TBC1D9B: variants seen among roughly 807,000 people sequenced by gnomAD.
TBC1D9B encodes the protein TBC1 domain family, member 9B (with GRAM domain).
In TBC1D9B, 87 loss-of-function variants were observed where a neutral mutation model predicts 121.1. The observed-to-expected ratio is 0.72, with a 90% CI of 0.60 to 0.86. The LOEUF (loss-of-function observed/expected upper bound fraction) is 0.86. Ranked by LOEUF, TBC1D9B falls within the 40% of genes least tolerant of loss-of-function variation. TBC1D9B has a pLI of 0.00. For missense variants in TBC1D9B, 1,540 were observed against 1,628.6 expected, an observed-to-expected ratio of 0.95 and a Z score of 0.94; for synonymous variants, 668 against 670.1, an observed-to-expected ratio of 1.00 and a Z score of 0.05.
intron 3 of TBC1D9B, among the ~76,000 whole-genome samples, chr5:179,897,316 C>CT (rs71001055): frequency 0.12 from 16,961 of 141,374 alleles, 1,117 homozygotes; most frequent in Middle Eastern, 0.22. Context: ...ATTTTCTTTT[C>CT]TTTTTTTTTT....
At chr5:179,899,670 G>A (rs138565015) in intron 2 of TBC1D9B, among the ~76,000 whole-genome samples, 1 of 152,264 alleles carries the variant, frequency 6.6e-6, no homozygotes, top group Admixed American at 6.5e-5. Flanking sequence ...ACTTAATGTG[G>A]CTTTTGCTAT....
In TBC1D9B at chr5:179,865,417, C is replaced by T; in HGVS notation, c.2915-57G>A. On this transcript the variant is annotated intron_variant, in intron 19 of 20. Transcript: ENST00000355235. The surrounding 1 kb of genome is among the most constrained non-coding windows in gnomAD (Gnocchi z 5.1). ...GTCATGTGAGACGGCTGCGGGCTGA[C>T]AGCAGGGAGAGGAAGAGTTGGGTGT... 6.6e-7 allele frequency: 1 copy of T among 1,523,654 alleles called. No homozygotes were observed. The highest frequency in any genetic ancestry group is 1.1e-5 in the South Asian group (1 of 89,212). 94.4% of individuals were successfully genotyped at this position (1,523,654 alleles called of 1,614,324 possible). A position where few individuals can be genotyped will look rare whatever the true frequency, so the allele number is the denominator to read the frequency against.
At chr5:179,869,855 G>A (rs1275701752) in intron 16 of TBC1D9B, 21 bp from the exon 17 acceptor site, 7 of 1,532,526 alleles carry the variant, frequency 4.6e-6, no homozygotes, top group African/African-American at 1.4e-5. Flanking sequence ...GGCCAGGGAG[G>A]GCTGGGTCTG....
In TBC1D9B at chr5:179,862,083, C is replaced by A. The variant is rs908623957; in HGVS notation, c.*1365G>T. 7 of 164,732 alleles carry A rather than the reference C, an allele frequency of 4.2e-5. No homozygotes were observed. In the East Asian group the frequency reaches 1.1e-3, roughly 26 times the overall value. The allele number at this position is 164,732 out of a possible 1,614,324, so 10.2% of individuals were successfully genotyped here. A position where few individuals can be genotyped will look rare whatever the true frequency, so the allele number is the denominator to read the frequency against. On this transcript the variant is annotated 3_prime_UTR_variant, in exon 21 of 21. Coordinates refer to ENST00000355235, the MANE Select transcript of TBC1D9B (RefSeq NM_015043.4). ...TTTACAACTTTCATTACAGTATAAC[C>A]GTTACATTTTATTATTAGTTATTGT... is the stretch of plus-strand genomic sequence containing the variant.
At chr5:179,881,938 T>G (rs1159322199) in intron 7 of TBC1D9B, among the ~76,000 whole-genome samples, 1 of 150,730 alleles carries the variant, frequency 6.6e-6, no homozygotes, top group African/African-American at 2.5e-5. Flanking sequence ...TCTTTCCATA[T>G]ACCTTCCGTT....
intron 2 of TBC1D9B, among the ~76,000 whole-genome samples, chr5:179,900,657 A>ATG (rs199976574): frequency 6.6e-6 from 1 of 152,222 alleles, no homozygotes; most frequent in Admixed American, 6.5e-5. Flanking sequence ...ACTGTTTTAC[A>ATG]TGTTTCTGTT....
chr5:179,872,860 C>A (rs778517574), intron 14 of TBC1D9B, 32 bp downstream of exon 14: 1 of 1,530,636 alleles, frequency 6.5e-7, no homozygotes. Context: ...CCCCCCAGCC[C>A]AGCCCCTGCC....
chr5:179,893,182 C>T (rs761860982), intron 5 of TBC1D9B, 27 bp downstream of exon 5: 1 of 1,576,702 alleles, frequency 6.3e-7, no homozygotes, highest in Middle Eastern at 2.2e-4. Context: ...TCACATGAGC[C>T]CACCCCAGCC....
chr5:179,894,250 A>G, intron 4 of TBC1D9B, 136 bp downstream of exon 4: 2 of 836,356 alleles, frequency 2.4e-6, no homozygotes, highest in Non-Finnish European at 3.7e-6. Context: ...GGACAGTCCC[A>G]TCTTGGGCCG....
At chr5:179,873,350 CTAA>C in intron 12 of TBC1D9B, 102 bp from the exon 13 acceptor site, 1 of 1,439,872 alleles carries the variant, frequency 6.9e-7, no homozygotes, top group Non-Finnish European at 9.2e-7. Flanking sequence ...ATGCAGACTC[CTAA>C]TAAGGAGTGT....
intron 20 of TBC1D9B, 130 bp from the exon 21 acceptor site, chr5:179,864,258 G>A: frequency 1.1e-6 from 1 of 898,784 alleles, no homozygotes; most frequent in Non-Finnish European, 1.7e-6. Flanking sequence ...ATCTCCATGA[G>A]CCTCATCAGT....
chr5:179,867,597 G>C, intron 18 of TBC1D9B, 181 bp downstream of exon 18: 2 of 1,504,542 alleles, frequency 1.3e-6, no homozygotes, highest in Non-Finnish European at 1.8e-6. Context: ...ACATCCACAG[G>C]GGGCGGCCCC....
intron 6 of TBC1D9B, among the ~76,000 whole-genome samples, chr5:179,889,068 C>T (rs191703074): frequency 1.5e-3 from 233 of 151,144 alleles, no homozygotes; most frequent in Middle Eastern, 3.4e-3. Flanking sequence ...GTCTCGCTGT[C>T]GCCCAGGCTG....
chr5:179,891,505 T>G lies in TBC1D9B; in HGVS notation c.918A>C (p.Thr306=). ...LPRDERLDGH[T]SCTLWTPFNK... ...TGAACGGCGTCCACAGGGTGCAGCT[T>G]GTGTGGCCGTCTAGCCGCTCATCCC... The change falls in exon 6 of 21, where the codon ACA becomes ACC. Residue 306 remains threonine, a synonymous_variant. Transcript: ENST00000355235. The surrounding 1 kb of genome is among the most constrained non-coding windows in gnomAD (Gnocchi z 4.3). 1.2e-6 allele frequency: 2 copies of G among 1,614,136 alleles called. No individual in the cohort carries two copies. Among genetic ancestry groups the G allele is most frequent in the South Asian group, 2.2e-5 (2 of 91,080 alleles).
chr5:179,891,657 T>C lies in TBC1D9B; in HGVS notation c.837-71A>G. ...GGACCAGCACACTCTCAAGGAAGCC[T>C]TGGGGCCTCCCCAGGCCTGTTTCCA... On this transcript the variant is annotated intron_variant, in intron 5 of 20. Coordinates refer to ENST00000355235, the MANE Select transcript of TBC1D9B (RefSeq NM_015043.4). This position sits in a 1 kb window ranked among gnomAD's most constrained non-coding sequence, Gnocchi z 4.3. 2.6e-6 allele frequency: 4 copies of C among 1,555,292 alleles called. No homozygotes were observed. Among genetic ancestry groups the C allele is most frequent in the Non-Finnish European group, 2.6e-6 (3 of 1,141,364 alleles).
rs910004780 is a variant in TBC1D9B, at chr5:179,898,142, C to T, written c.348+1047G>A. Among the ~76,000 whole-genome samples the T allele has an allele frequency of 2.7e-5, 4 of 146,834 alleles. No individual in the cohort carries two copies. In the East Asian group the frequency reaches 8.4e-4, roughly 31 times the overall value. ...ACTAGCCTGGCCAACATGGCAAAAC[C>T]CCATCTCTACTTTTTTTTTTTTTTT... On this transcript the variant is annotated intron_variant, in intron 3 of 20. Transcript: ENST00000355235.
Position 179,865,747 on chromosome 5 carries a change from G to A in TBC1D9B, c.2914+91C>T. On this transcript the variant is annotated intron_variant, in intron 19 of 20. Transcript: ENST00000355235. The surrounding 1 kb of genome is among the most constrained non-coding windows in gnomAD (Gnocchi z 5.1). ...GCATCCGCCATCTCCCGGGGTAGGGGGCTCCCTGGCAGTGACTGGGGAAAA... is the reference window on the plus strand; with the variant it reads ...GCATCCGCCATCTCCCGGGGTAGGGAGCTCCCTGGCAGTGACTGGGGAAAA... The A allele has an allele frequency of 2.8e-6, 4 of 1,413,322 alleles. No homozygotes were observed. The highest frequency in any genetic ancestry group is 3.9e-6 in the Non-Finnish European group (4 of 1,035,858). The allele number at this position is 1,413,322 out of a possible 1,614,324, so 87.5% of individuals were successfully genotyped here.
In TBC1D9B at chr5:179,904,752, C is replaced by T. The variant is rs1761265668; in HGVS notation, c.179G>A (p.Arg60His). Residue 60 changes from arginine (R) to histidine (H), a missense_variant, in exon 2 of 21, where the codon CGC (arginine) becomes CAC (histidine). By Grantham distance (29) the Arg-to-His change is conservative. Transcript: ENST00000355235. This position sits in a 1 kb window ranked among gnomAD's most constrained non-coding sequence, Gnocchi z 4.2. ...GGAGTCCTGGGTCTGGTGCAGGATG[C>T]GGTAAGGGGCCACGCGGGCACTGGA... is the stretch of plus-strand genomic sequence containing the variant. Reference protein sequence around the residue: ...LDSSARVAPYRILHQTQDSQV... With the variant: ...LDSSARVAPYHILHQTQDSQV... 6 of 1,580,198 alleles carry T rather than the reference C, an allele frequency of 3.8e-6. No homozygotes were observed. The highest frequency in any genetic ancestry group is 4.3e-6 in the Non-Finnish European group (5 of 1,163,430).
In TBC1D9B at chr5:179,888,136, G is replaced by A. The variant is rs1760745531; in HGVS notation, c.1221C>T (p.Ser407=). ...TPSKQPGSIG[S]RKASVVDPST... is the part of the protein sequence containing the mutation. ...TAGGGTCCACAACACTGGCTTTCCT[G>A]CTCCCGATACTGCCTGGCTGCTTGG... The change falls in exon 7 of 21, where the codon AGC becomes AGT. Residue 407 remains serine (S), a synonymous_variant. Transcript: ENST00000355235. The A allele has an allele frequency of 6.2e-7, 1 of 1,613,686 alleles. No homozygotes were observed. Among genetic ancestry groups the A allele is most frequent in the African/African-American group, 1.3e-5 (1 of 74,876 alleles).
Sources: gnomAD v4.1 joint callset for allele counts (sites outside exome capture counted in the v4.1 genomes callset) on GRCh38, gnomAD v4.1.1 for gene constraint, Gnocchi (gnomAD v3.1) non-coding constraint, MANE v1.5 for transcripts, NCBI Gene and HGNC (gene_info 2026-07-23, HGNC 2026-07-21) for gene names.